SHROOM2: variants seen among roughly 807,000 people sequenced by gnomAD.
SHROOM2 encodes the protein protein Shroom2.
A neutral mutation model predicts 75.9 loss-of-function variants in SHROOM2; 33 were observed. The ratio of observed to expected loss-of-function variants is 0.43; its 90% confidence interval spans 0.33 to 0.58. The LOEUF (loss-of-function observed/expected upper bound fraction) is 0.58. SHROOM2 is among the 20% of genes least tolerant of loss of function. SHROOM2 has a pLI of 0.04. For missense variants in SHROOM2, 1,434 were observed against 1,461.2 expected (o/e 0.98, Z 0.30); for synonymous variants, 655 against 663.6 (o/e 0.99, Z 0.20).
intron 5 of SHROOM2, among the ~76,000 whole-genome samples, chrX:9,906,937 G>A (rs1255470606): frequency 8.9e-6 from 1 of 112,181 alleles, no homozygotes; most frequent in Non-Finnish European, 1.9e-5. Context: ...CAGCTCTGCC[G>A]TGATAGCGCA....
chrX:9,901,805 G>C (rs2084366664), intron 5 of SHROOM2, among the ~76,000 whole-genome samples: 1 of 112,129 alleles, frequency 8.9e-6, no homozygotes, highest in Non-Finnish European at 1.9e-5. Flanking sequence ...CTGTCTGCTG[G>C]GCTGGACCGT....
chrX:9,926,339 A>G, intron 5 of SHROOM2, among the ~76,000 whole-genome samples: 1 of 111,835 alleles, frequency 8.9e-6, no homozygotes, highest in East Asian at 2.8e-4. Context: ...AATGCTTCAA[A>G]GTTCAAAACT....
At chrX:9,794,499 A>G (rs2083684193) in intron 1 of SHROOM2, among the ~76,000 whole-genome samples, 1 of 110,797 alleles carries the variant, frequency 9.0e-6, no homozygotes, top group Non-Finnish European at 1.9e-5. Context: ...CCTCCTGAGT[A>G]GCTGGGATTA....
At chrX:9,912,107 AACACACACACACACACAC>A (rs61080253) in intron 5 of SHROOM2, among the ~76,000 whole-genome samples, 3 of 26,455 alleles carry the variant, frequency 1.1e-4, no homozygotes, top group Non-Finnish European at 1.7e-4. Flanking sequence ...CCTTTCTCCA[AACACACACACACACACAC>A]ACACACACAC....
chrX:9,879,607 C>T (rs1269122340), intron 2 of SHROOM2, among the ~76,000 whole-genome samples: 2 of 112,752 alleles, frequency 1.8e-5, no homozygotes, highest in African/African-American at 6.4e-5. Flanking sequence ...AAGAAAACCA[C>T]ATAGATCAGA....
intron 1 of SHROOM2, among the ~76,000 whole-genome samples, chrX:9,795,720 G>A (rs1466817214): frequency 1.4e-5 from 1 of 73,700 alleles, no homozygotes; most frequent in East Asian, 3.7e-4. Context: ...CTCTAAGGCT[G>A]TATCTTTCTC....
intron 1 of SHROOM2, among the ~76,000 whole-genome samples, chrX:9,812,070 C>T (rs957209891): frequency 8.9e-6 from 1 of 111,806 alleles, no homozygotes; most frequent in Non-Finnish European, 1.9e-5. Flanking sequence ...ACTTGATGAC[C>T]CATAGTCAAA....
At chrX:9,901,118 G>T (rs2084363376) in intron 5 of SHROOM2, among the ~76,000 whole-genome samples, 1 of 111,145 alleles carries the variant, frequency 9.0e-6, no homozygotes, top group Non-Finnish European at 1.9e-5. Flanking sequence ...TCCTAGGCTT[G>T]TAGATGCCGT....
chrX:9,897,792 C>G (rs890392391), intron 4 of SHROOM2, among the ~76,000 whole-genome samples: 1 of 110,868 alleles, frequency 9.0e-6, no homozygotes, highest in African/African-American at 3.3e-5. Context: ...TGAAAATCCA[C>G]ACAGATGCTG....
intron 1 of SHROOM2, among the ~76,000 whole-genome samples, chrX:9,850,400 C>T (rs1260070746): frequency 1.8e-5 from 2 of 112,148 alleles, no homozygotes; most frequent in Non-Finnish European, 3.8e-5. Context: ...CAAAAAGTCG[C>T]TTCAGGTTAT....
At chrX:9,828,178 C>G (rs895258372) in intron 1 of SHROOM2, among the ~76,000 whole-genome samples, 7 of 112,579 alleles carry the variant, frequency 6.2e-5, no homozygotes, top group African/African-American at 2.3e-4. Context: ...GGAAAACTGC[C>G]TTATAAAACC....
rs1372366663 is a variant in SHROOM2 at position 9,884,368 on chromosome X, C to CTTCTTTT, written c.318-6607_318-6606insCTTTTTT. Among the ~76,000 whole-genome samples the CTTCTTTT allele has an allele frequency of 1.3e-3, 80 of 62,238 alleles. 1 individual carries two copies. Among genetic ancestry groups the CTTCTTTT allele is most frequent in the East Asian group, 5.5e-3 (11 of 2,012 alleles). The allele number at this position is 62,238 out of a possible 115,157, so 54.0% of individuals were successfully genotyped here. A position where few individuals can be genotyped will look rare whatever the true frequency, so the allele number is the denominator to read the frequency against. On this transcript the variant is annotated intron_variant, in intron 2 of 9. Transcript: ENST00000380913. ...ACACTCGTGATTTTTTTTTTCTTTT[C>CTTCTTTT]TTTTTTTTTTTTTTTTTTTTTAGTT...
At chrX:9,823,238 TCTC>T (rs1219712084) in intron 1 of SHROOM2, among the ~76,000 whole-genome samples, 6 of 96,069 alleles carry the variant, frequency 6.2e-5, no homozygotes, top group Admixed American at 5.9e-4. Context: ...TCCTCCTTCT[TCTC>T]TTCTTCTTCT....
At chrX:9,932,154 T>A (rs781214315) in intron 5 of SHROOM2, 21 bp from the exon 6 acceptor site, 1 of 1,109,869 alleles carries the variant, frequency 9.0e-7, no homozygotes, top group East Asian at 3.1e-5. Flanking sequence ...GTTGATTAAT[T>A]TGTACTTGTT....
chrX:9,926,968 T>C (rs766007902), intron 5 of SHROOM2, among the ~76,000 whole-genome samples: 9 of 111,125 alleles, frequency 8.1e-5, no homozygotes, highest in Non-Finnish European at 1.5e-4. Context: ...ACTCAGGCGC[T>C]GGAGTTCATC....
intron 2 of SHROOM2, among the ~76,000 whole-genome samples, chrX:9,883,075 C>T (rs1465538483): frequency 8.9e-6 from 1 of 112,021 alleles, no homozygotes; most frequent in Non-Finnish European, 1.9e-5. Context: ...AGTGCTCTGG[C>T]GTACTTGTAT....
At chrX:9,849,645 A>G (rs1349108888) in intron 1 of SHROOM2, among the ~76,000 whole-genome samples, 1 of 111,455 alleles carries the variant, frequency 9.0e-6, no homozygotes, top group Non-Finnish European at 1.9e-5. Flanking sequence ...CCATCAATGT[A>G]GGGCTGAGCA....
At chrX:9,840,369 G>A (rs1196862180) in intron 1 of SHROOM2, among the ~76,000 whole-genome samples, 2 of 111,637 alleles carry the variant, frequency 1.8e-5, no homozygotes, top group Admixed American at 9.5e-5. Flanking sequence ...CTGGGATCAA[G>A]CAATTCTCCC....
At chrX:9,808,227 C>A (rs761692944) in intron 1 of SHROOM2, among the ~76,000 whole-genome samples, 1 of 110,727 alleles carries the variant, frequency 9.0e-6, no homozygotes, top group African/African-American at 3.3e-5. Flanking sequence ...CTGAAGGAAG[C>A]CTTCCTGCAC....
Sources: gnomAD v4.1 joint callset for allele counts (sites outside exome capture counted in the v4.1 genomes callset) on GRCh38, gnomAD v4.1.1 for gene constraint, MANE v1.5 for transcripts, NCBI Gene and HGNC (gene_info 2026-07-23, HGNC 2026-07-21) for gene names.